GTF3C4: variants seen among roughly 807,000 people sequenced by gnomAD.
GTF3C4 encodes general transcription factor 3C polypeptide 4.
GTF3C4 carries 28 observed loss-of-function variants against 67.5 expected under a neutral mutation model. The observed-to-expected ratio is 0.41, with a 90% confidence interval of 0.31 to 0.57. The LOEUF (loss-of-function observed/expected upper bound fraction) is 0.57. Ranked by LOEUF, GTF3C4 falls within the 20% of genes least tolerant of loss-of-function variation. GTF3C4 has a pLI of 0.21. For missense variants in GTF3C4, 831 were observed against 1,033.2 expected (o/e 0.80, Z 2.68); for synonymous variants, 409 against 393.0 (o/e 1.04, Z -0.48).
chr9:132,678,502 G>T lies in GTF3C4; in HGVS notation c.883G>T (p.Val295Leu), dbSNP rs773741291. ...CGTGTGGCAGTTTCAGCTGCCGTTT[G>T]TAGGAAAAGAATCCATCTCTTCATG... The part of the protein sequence containing the change: ...IAVWQFQLPF[V>L]GKESISSCNT... Residue 295 changes from valine to leucine, a missense_variant, in exon 2 of 5, where the codon GTA (valine) becomes TTA (leucine). By Grantham distance (32) the Val-to-Leu change is conservative. This residue lies in a region of GTF3C4 where 390 missense variants were observed against 540.3 expected (regional missense o/e 0.72). Transcript: ENST00000372146. The surrounding 1 kb of genome is among the most constrained non-coding windows in gnomAD (Gnocchi z 6.5). 1.9e-6 allele frequency: 3 copies of T among 1,614,210 alleles called. No homozygotes were observed. Among genetic ancestry groups the T allele is most frequent in the Non-Finnish European group, 2.5e-6 (3 of 1,180,046 alleles).
At chr9:132,670,335 G>A (rs1835674651), upstream of GTF3C4, 2 of 1,435,540 alleles carry the variant, frequency 1.4e-6, no homozygotes, top group Admixed American at 2.7e-5. Flanking sequence ...TCCCTAACAG[G>A]CTCTGGAGCT....
rs2130905961 is a variant in GTF3C4, at chr9:132,692,816, A to G, written c.*3871A>G. ...TTTTATTTTTGCCATTAGTGCAAGT[A>G]TCAACTGGCAGCCTCAAACAGCTTT... On this transcript the variant is annotated 3_prime_UTR_variant, in exon 5 of 5. Transcript: ENST00000372146. 6.6e-6 allele frequency: 1 copy of G among 152,350 alleles called. No individual in the cohort carries two copies. The allele number at this position is 152,350 out of a possible 1,614,324, so 9.4% of individuals were successfully genotyped here.
At position 132,674,906 on chromosome 9, in the gene GTF3C4, C is replaced by T. The variant is rs369893765; in HGVS notation, c.358-3071C>T. On this transcript the variant is annotated intron_variant, in intron 1 of 4. Transcript: ENST00000372146. ...ATTAGCCAGGCATGGTGGTGTGCACCTGTGGTCCTAGCTACTCAGGAGGCT... is the reference window on the plus strand; with the variant it reads ...ATTAGCCAGGCATGGTGGTGTGCACTTGTGGTCCTAGCTACTCAGGAGGCT... 2.6e-5 allele frequency among the ~76,000 whole-genome samples: 4 copies of T among 152,266 alleles called. No homozygotes were observed. In the South Asian group the frequency reaches 6.2e-4, roughly 24 times the overall value.
At position 132,670,618 on chromosome 9, in the gene GTF3C4, C is replaced by G. The variant is rs551059877; in HGVS notation, c.20C>G (p.Ala7Gly). The change falls in exon 1 of 5, where the codon GCC (alanine) becomes GGC (glycine). Residue 7 changes from alanine (A) to glycine (G), a missense_variant. Ala to Gly is a moderately conservative substitution (Grantham distance 60). Transcript: ENST00000372146. ...GAGAAGATGAACACGGCCGACCAGG[C>G]CCGGGTGGGGCCCGCGGACGACGGG... MNTADQ[A>G]RVGPADDGPA... is the part of the protein sequence containing the mutation. The G allele has an allele frequency of 6.9e-7, 1 of 1,453,610 alleles. No homozygotes were observed. Among genetic ancestry groups the G allele is most frequent in the Non-Finnish European group, 9.0e-7 (1 of 1,115,368 alleles). 90.0% of individuals were successfully genotyped at this position (1,453,610 alleles called of 1,614,324 possible). A position where few individuals can be genotyped will look rare whatever the true frequency, so the allele number is the denominator to read the frequency against.
rs1176255946 is a variant in GTF3C4 at position 132,678,605 on chromosome 9, G to C, written c.986G>C (p.Ser329Thr). The change falls in exon 2 of 5, where the codon AGT becomes ACT. Residue 329 changes from serine (S) to threonine (T), a missense_variant. Ser to Thr is a moderately conservative substitution (Grantham distance 58). Transcript: ENST00000372146. This position sits in a 1 kb window ranked among gnomAD's most constrained non-coding sequence, Gnocchi z 6.5. The part of the protein sequence containing the change: ...WEYEHNNRKM[S>T]GLIVGSAFGP... Reference sequence around the variant, plus strand: ...TATGAGCACAATAATCGAAAAATGAGTGGCCTTATTGTGGGGAGTGCTTTT... The same window carrying C: ...TATGAGCACAATAATCGAAAAATGACTGGCCTTATTGTGGGGAGTGCTTTT... 6.2e-7 allele frequency: 1 copy of C among 1,614,044 alleles called. No individual in the cohort carries two copies. Among genetic ancestry groups the C allele is most frequent in the Non-Finnish European group, 8.5e-7 (1 of 1,180,024 alleles).
chr9:132,683,724 T>C (rs761794911), intron 3 of GTF3C4, 31 bp downstream of exon 3: 8 of 1,590,454 alleles, frequency 5.0e-6, no homozygotes, highest in Non-Finnish European at 6.0e-6. Flanking sequence ...CTACTTCTGC[T>C]CATTTTTCAG....
In GTF3C4 at chr9:132,694,042, G is replaced by C. The variant is rs934196065; in HGVS notation, c.*5097G>C. The C allele has an allele frequency of 6.6e-6, 1 of 151,906 alleles. No individual in the cohort carries two copies. Among genetic ancestry groups the C allele is most frequent in the South Asian group, 2.1e-4 (1 of 4,814 alleles). 9.4% of individuals were successfully genotyped at this position (151,906 alleles called of 1,614,324 possible). A position where few individuals can be genotyped will look rare whatever the true frequency, so the allele number is the denominator to read the frequency against. On this transcript the variant is annotated 3_prime_UTR_variant, in exon 5 of 5. Coordinates refer to ENST00000372146, the MANE Select transcript of GTF3C4 (RefSeq NM_012204.4). ...ACAGAACAGTCATCTAAAAACATAA[G>C]GTTTTGGAAAGGAGATGCTTTTTCA... is the stretch of plus-strand genomic sequence containing the variant.
chr9:132,671,013 C>T, intron 1 of GTF3C4, 58 bp downstream of exon 1: 2 of 1,195,248 alleles, frequency 1.7e-6, no homozygotes. Context: ...GCGGCCGCAT[C>T]ATCCGTCCCA....
rs1480177835 is a variant in GTF3C4 at position 132,691,551 on chromosome 9, G to A, written c.*2606G>A. 1 of 152,206 alleles carries A rather than the reference G, an allele frequency of 6.6e-6. No individual in the cohort carries two copies. The highest frequency in any genetic ancestry group is 1.5e-5 in the Non-Finnish European group (1 of 68,036). The allele number at this position is 152,206 out of a possible 1,614,324, so 9.4% of individuals were successfully genotyped here. On this transcript the variant is annotated 3_prime_UTR_variant, in exon 5 of 5. Coordinates refer to ENST00000372146, the MANE Select transcript of GTF3C4 (RefSeq NM_012204.4). ...ATTAGACCCTTTAAGCTACAACGTG[G>A]TTGCATTTGGGGAGTCTGATACCCA...
At chr9:132,670,390 G>T (rs1417167509), upstream of GTF3C4, 15 of 1,164,120 alleles carry the variant, frequency 1.3e-5, no homozygotes, top group African/African-American at 4.9e-5. Flanking sequence ...CTCCCCGCTC[G>T]CTGTCCTTTT....
chr9:132,677,917 A>G, intron 1 of GTF3C4, 60 bp from the exon 2 acceptor site: 1 of 1,381,734 alleles, frequency 7.2e-7, no homozygotes, highest in South Asian at 1.4e-5. Context: ...CTTATTTTAA[A>G]AAATTGCCAT....
At position 132,682,088 on chromosome 9, in the gene GTF3C4, C is replaced by T. The variant is rs557844547; in HGVS notation, c.2185-1475C>T. On this transcript the variant is annotated intron_variant, in intron 2 of 4. Transcript: ENST00000372146. The stretch of plus-strand genomic sequence containing the variant: ...CACTGCACTCTAGCCGGGGCAACAG[C>T]GAGACCCTGTCTTAAAAAGGAAAAA... Among the ~76,000 whole-genome samples, 4 of 151,362 alleles carry T rather than the reference C, an allele frequency of 2.6e-5. No individual in the cohort carries two copies. In the South Asian group the frequency reaches 8.4e-4, roughly 32 times the overall value.
intron 4 of GTF3C4, among the ~76,000 whole-genome samples, chr9:132,687,531 C>T (rs1836050632): frequency 6.6e-6 from 1 of 152,186 alleles, no homozygotes; most frequent in African/African-American, 2.4e-5. Context: ...TGGAATATGT[C>T]ATATTGAAGT....
intron 4 of GTF3C4, among the ~76,000 whole-genome samples, 172 bp from the exon 5 acceptor site, chr9:132,688,709 T>C (rs1214855653): frequency 6.6e-6 from 1 of 152,228 alleles, no homozygotes; most frequent in Non-Finnish European, 1.5e-5. Context: ...TCATTTGGAA[T>C]GATAGAAACC....
At chr9:132,688,800 C>A (rs1037859921) in intron 4 of GTF3C4, 81 bp from the exon 5 acceptor site, 19 of 1,021,872 alleles carry the variant, frequency 1.9e-5, no homozygotes, top group Non-Finnish European at 2.8e-5. Flanking sequence ...GCCCGTCTCT[C>A]AACGCTACAG....
At chr9:132,677,513 A>C (rs1486912572) in intron 1 of GTF3C4, among the ~76,000 whole-genome samples, 2 of 152,212 alleles carry the variant, frequency 1.3e-5, no homozygotes, top group African/African-American at 4.8e-5. Flanking sequence ...TGGGATTTAC[A>C]TAGGGAGAAG....
intron 4 of GTF3C4, among the ~76,000 whole-genome samples, chr9:132,687,567 T>C (rs893414029): frequency 6.6e-6 from 1 of 152,248 alleles, no homozygotes; most frequent in South Asian, 2.1e-4. Flanking sequence ...TATGTAAGTT[T>C]GTCTGCGTTG....
At chr9:132,688,730 G>A (rs1369629338) in intron 4 of GTF3C4, 151 bp from the exon 5 acceptor site, 1 of 610,864 alleles carries the variant, frequency 1.6e-6, no homozygotes, top group Non-Finnish European at 3.0e-6. Flanking sequence ...GAAGCCCAAA[G>A]AAGTGAAGTG....
chr9:132,683,796 C>A (rs985050637), intron 3 of GTF3C4, 103 bp downstream of exon 3: 1 of 1,125,510 alleles, frequency 8.9e-7, no homozygotes, highest in Non-Finnish European at 1.2e-6. Context: ...TTATCTGTTG[C>A]CCTTGCCAAT....
Sources: allele counts gnomAD v4.1 joint callset (sites outside exome capture counted in the v4.1 genomes callset), GRCh38; gene constraint gnomAD v4.1.1; regional missense constraint gnomAD v4.1.1; non-coding constraint Gnocchi (gnomAD v3.1); transcripts MANE v1.5; gene names NCBI Gene and HGNC (gene_info 2026-07-23, HGNC 2026-07-21).